Variants in CSTPP1 observed in about 807,000 individuals in gnomAD.
CSTPP1 encodes the protein UPF0705 protein C11orf49.
At chr11:47,139,899 G>A in the CSTPP1 span, among the ~76,000 whole-genome samples, 1 of 152,176 alleles carries the variant, frequency 6.6e-6, no homozygotes, top group African/African-American at 2.4e-5. Flanking sequence ...CCACCTCCCT[G>A]TGTCATGGCA....
the CSTPP1 span, among the ~76,000 whole-genome samples, chr11:46,964,614 A>C: frequency 3.3e-5 from 5 of 152,134 alleles, no homozygotes; most frequent in African/African-American, 1.2e-4. Context: ...TCTGGGCCTT[A>C]ATACGGACTG....
the CSTPP1 span, among the ~76,000 whole-genome samples, chr11:47,123,834 C>G: frequency 1.3e-5 from 2 of 152,070 alleles, no homozygotes; most frequent in Admixed American, 1.3e-4. Flanking sequence ...AATCCCACCT[C>G]TACTAAAAAT....
At chr11:46,970,744 TATGTAC>T in the CSTPP1 span, among the ~76,000 whole-genome samples, 1 of 152,100 alleles carries the variant, frequency 6.6e-6, no homozygotes, top group South Asian at 2.1e-4. Context: ...CTTAATATGA[TATGTAC>T]AGAAAATAAA....
chr11:46,953,891 G>C, the CSTPP1 span, among the ~76,000 whole-genome samples: 83 of 152,266 alleles, frequency 5.5e-4, no homozygotes, highest in Non-Finnish European at 9.0e-4. Context: ...CTAGAAATTG[G>C]TGTTCTTTAC....
At chr11:47,116,271 G>A in the CSTPP1 span, among the ~76,000 whole-genome samples, 23 of 152,302 alleles carry the variant, frequency 1.5e-4, no homozygotes, top group African/African-American at 5.1e-4. Flanking sequence ...GTGATGTGAT[G>A]CTGAGAAGAA....
chr11:47,071,737 G>C, the CSTPP1 span, among the ~76,000 whole-genome samples: 1 of 152,310 alleles, frequency 6.6e-6, no homozygotes, highest in East Asian at 1.9e-4. Flanking sequence ...ATAGAAAATA[G>C]GATTTCCACT....
At chr11:47,099,152 A>G in the CSTPP1 span, among the ~76,000 whole-genome samples, 1 of 152,186 alleles carries the variant, frequency 6.6e-6, no homozygotes, top group South Asian at 2.1e-4. Flanking sequence ...TCTGTCACAA[A>G]TCTGCTTTGT....
the CSTPP1 span, among the ~76,000 whole-genome samples, chr11:47,108,847 C>T: frequency 2.0e-5 from 3 of 151,682 alleles, no homozygotes; most frequent in Non-Finnish European, 4.4e-5. Context: ...ACTGGGATTA[C>T]AGGCGCCGGC....
chr11:47,119,065 G>A, the CSTPP1 span, among the ~76,000 whole-genome samples: 1 of 152,274 alleles, frequency 6.6e-6, no homozygotes, highest in Non-Finnish European at 1.5e-5. Flanking sequence ...TGCCCACAGA[G>A]GTGGAGTTAG....
chr11:47,159,235 C>T, the CSTPP1 span, among the ~76,000 whole-genome samples: 1 of 152,166 alleles, frequency 6.6e-6, no homozygotes, highest in Non-Finnish European at 1.5e-5. Flanking sequence ...ACAGGCCAGG[C>T]GTGGTGCCTC....
the CSTPP1 span, among the ~76,000 whole-genome samples, chr11:47,159,202 TA>T: frequency 6.6e-6 from 1 of 152,106 alleles, no homozygotes; most frequent in Non-Finnish European, 1.5e-5. Context: ...CCCACTGGAC[TA>T]AGACTAGAAA....
chr11:47,038,430 A>T, the CSTPP1 span, among the ~76,000 whole-genome samples: 1 of 89,904 alleles, frequency 1.1e-5, no homozygotes, highest in Non-Finnish European at 2.7e-5. Context: ...CACCTCCCGG[A>T]TGGGGCGGCT....
chr11:47,020,558 G>A, the CSTPP1 span, among the ~76,000 whole-genome samples: 1 of 152,088 alleles, frequency 6.6e-6, no homozygotes, highest in Non-Finnish European at 1.5e-5. Context: ...GAGCTGGAGA[G>A]CTGTTCATTC....
At chr11:46,957,617 T>G in the CSTPP1 span, among the ~76,000 whole-genome samples, 22 of 152,190 alleles carry the variant, frequency 1.4e-4, no homozygotes, top group Non-Finnish European at 3.1e-4. Flanking sequence ...GGTGTGGATC[T>G]TCTTTCATTG....
At chr11:47,139,209 C>T in the CSTPP1 span, among the ~76,000 whole-genome samples, 3 of 151,990 alleles carry the variant, frequency 2.0e-5, no homozygotes, top group Admixed American at 6.6e-5. Flanking sequence ...GGGGAGCCTC[C>T]GGCTCTGAAG....
chr11:47,063,375 G>T, the CSTPP1 span, among the ~76,000 whole-genome samples: 5 of 151,922 alleles, frequency 3.3e-5, no homozygotes, highest in African/African-American at 1.2e-4. Context: ...GTACAGTTCC[G>T]TGGCATTAAG....
At chr11:47,111,542 A>C in the CSTPP1 span, among the ~76,000 whole-genome samples, 10 of 151,996 alleles carry the variant, frequency 6.6e-5, no homozygotes, top group Non-Finnish European at 1.3e-4. Flanking sequence ...TTCAGCCCTT[A>C]GCCAAGCCCA....
chr11:47,032,767 A>G, the CSTPP1 span, among the ~76,000 whole-genome samples: 1 of 152,170 alleles, frequency 6.6e-6, no homozygotes, highest in East Asian at 1.9e-4. Context: ...AGCATAAGGA[A>G]GAAGAGGAAA....
At chr11:47,055,654 G>A in the CSTPP1 span, among the ~76,000 whole-genome samples, 1 of 152,100 alleles carries the variant, frequency 6.6e-6, no homozygotes, top group African/African-American at 2.4e-5. Flanking sequence ...TGTGTAACTT[G>A]CAGAAAGATT....
Sources: gnomAD v4.1 joint callset for allele counts (sites outside exome capture counted in the v4.1 genomes callset) on GRCh38, gnomAD v4.1.1 for gene constraint, MANE v1.5 for transcripts, NCBI Gene and HGNC (gene_info 2026-07-23, HGNC 2026-07-21) for gene names.